TENM2: variants seen among roughly 807,000 people sequenced by gnomAD.
TENM2 encodes the protein teneurin-2.
TENM2 carries 52 observed loss-of-function variants against 245.2 expected under a neutral mutation model. The ratio of observed to expected loss-of-function variants is 0.21; its 90% confidence interval spans 0.17 to 0.27. The LOEUF (loss-of-function observed/expected upper bound fraction) is 0.27. Ranked by LOEUF, TENM2 falls within the 10% of genes least tolerant of loss-of-function variation. TENM2 has a pLI of 1.00. For synonymous variants in TENM2, 1,363 were observed against 1,438.9 expected (o/e 0.95, Z 1.19); for missense variants, 3,046 against 3,666.8 (o/e 0.83, Z 4.37).
the TENM2 span, among the ~76,000 whole-genome samples, chr5:167,083,642 T>A: frequency 6.6e-6 from 1 of 152,112 alleles, no homozygotes; most frequent in African/African-American, 2.4e-5. Flanking sequence ...AATTGAGATA[T>A]TAAATTGATT....
chr5:167,216,428 G>A, the TENM2 span, among the ~76,000 whole-genome samples: 2 of 152,184 alleles, frequency 1.3e-5, no homozygotes, highest in Admixed American at 6.5e-5. Flanking sequence ...CACATTGTCT[G>A]TCTGCTATTT....
At chr5:167,140,108 T>A in the TENM2 span, among the ~76,000 whole-genome samples, 4 of 152,178 alleles carry the variant, frequency 2.6e-5, no homozygotes, top group African/African-American at 9.6e-5. Flanking sequence ...AATGCTGAGT[T>A]TGGCATTTGA....
intron 4 of TENM2, among the ~76,000 whole-genome samples, chr5:167,961,220 T>C (rs1036453477): frequency 1.3e-5 from 2 of 152,350 alleles, no homozygotes; most frequent in African/African-American, 4.8e-5. Flanking sequence ...GGTTAAAATA[T>C]GTAAAGTCAA....
intron 4 of TENM2, among the ~76,000 whole-genome samples, chr5:167,979,692 C>A (rs1169297010): frequency 1.3e-5 from 2 of 152,088 alleles, no homozygotes; most frequent in Admixed American, 6.6e-5. Flanking sequence ...GCTGATATCC[C>A]TCAAGAATGA....
intron 2 of TENM2, among the ~76,000 whole-genome samples, chr5:167,378,380 T>TCTTC (rs1554141728): frequency 1.9e-4 from 12 of 64,588 alleles, no homozygotes; most frequent in African/African-American, 9.6e-4. Flanking sequence ...TTCTTCTTCT[T>TCTTC]TTTTTTTTTT....
At chr5:167,056,686 C>T in the TENM2 span, among the ~76,000 whole-genome samples, 1 of 134,130 alleles carries the variant, frequency 7.5e-6, no homozygotes, top group Non-Finnish European at 1.6e-5. Context: ...ATATTACTTC[C>T]CTCATATTTT....
intron 14 of TENM2, among the ~76,000 whole-genome samples, chr5:168,194,260 C>A (rs1217824675): frequency 1.3e-5 from 2 of 152,164 alleles, no homozygotes; most frequent in Non-Finnish European, 2.9e-5. Flanking sequence ...TGTCCCATTT[C>A]TCTGTGAAGT....
intron 2 of TENM2, among the ~76,000 whole-genome samples, chr5:167,759,384 T>A (rs1353805229): frequency 1.3e-5 from 2 of 151,798 alleles, no homozygotes; most frequent in Admixed American, 6.6e-5. Flanking sequence ...GTGTTGGCTG[T>A]TTGTTAGGAC....
intron 5 of TENM2, among the ~76,000 whole-genome samples, chr5:168,039,822 C>T (rs1056067646): frequency 6.6e-6 from 1 of 152,020 alleles, no homozygotes; most frequent in Non-Finnish European, 1.5e-5. Flanking sequence ...CACCTCGGCA[C>T]ACCAGATGCC....
At chr5:167,719,400 G>T (rs1479514390) in intron 2 of TENM2, among the ~76,000 whole-genome samples, 1 of 152,206 alleles carries the variant, frequency 6.6e-6, no homozygotes, top group African/African-American at 2.4e-5. Flanking sequence ...ACAACACTAG[G>T]ATGTGAGAAA....
At chr5:167,156,544 T>C in the TENM2 span, among the ~76,000 whole-genome samples, 3 of 152,178 alleles carry the variant, frequency 2.0e-5, no homozygotes, top group Non-Finnish European at 2.9e-5. Context: ...CTGCTTCATC[T>C]CCAAGTCGGA....
chr5:168,214,909 T>C, intron 20 of TENM2, 131 bp from the exon 23 acceptor site: 1 of 754,220 alleles, frequency 1.3e-6, no homozygotes, highest in Non-Finnish European at 2.3e-6. Flanking sequence ...TGTTAGATTC[T>C]TTCCAGTTCA....
chr5:167,726,756 GC>G (rs1344462353), intron 2 of TENM2, among the ~76,000 whole-genome samples: 1 of 152,062 alleles, frequency 6.6e-6, no homozygotes, highest in Non-Finnish European at 1.5e-5. Flanking sequence ...ACTATGCTGG[GC>G]CCCCTTTTCT....
intron 1 of TENM2, among the ~76,000 whole-genome samples, chr5:167,296,963 G>C (rs1314837005): frequency 6.6e-6 from 1 of 152,208 alleles, no homozygotes; most frequent in African/African-American, 2.4e-5. Context: ...CTCCTGGGCA[G>C]TTCTGAAAAG....
chr5:167,382,935 T>TATAA (rs35953193), intron 2 of TENM2, among the ~76,000 whole-genome samples: 59,283 of 151,920 alleles, frequency 0.39, 13,526 homozygotes, highest in African/African-American at 0.65. Context: ...TGCACACAAA[T>TATAA]ATATAAAACT....
intron 12 of TENM2, among the ~76,000 whole-genome samples, chr5:168,141,619 A>G (rs1256204514): frequency 1.3e-5 from 2 of 152,248 alleles, no homozygotes; most frequent in African/African-American, 2.4e-5. Flanking sequence ...ATCCAGAATC[A>G]AGAATGATGT....
intron 2 of TENM2, among the ~76,000 whole-genome samples, chr5:167,765,877 T>C (rs1762986035): frequency 6.6e-6 from 1 of 152,136 alleles, no homozygotes; most frequent in Non-Finnish European, 1.5e-5. Context: ...AGGTCTACAT[T>C]TTTCTGTAAA....
At chr5:167,378,791 C>T (rs1760921298) in intron 2 of TENM2, among the ~76,000 whole-genome samples, 1 of 150,596 alleles carries the variant, frequency 6.6e-6, no homozygotes, top group Non-Finnish European at 1.5e-5. Context: ...CAAAGCAGCA[C>T]AAACTAAAAA....
At chr5:167,815,758 G>T (rs181950973) in intron 2 of TENM2, among the ~76,000 whole-genome samples, 1 of 151,218 alleles carries the variant, frequency 6.6e-6, no homozygotes, top group East Asian at 2.1e-4. Context: ...GAGTCAGGGG[G>T]ATGGTTCATG....
Sources: gnomAD v4.1 joint callset for allele counts (sites outside exome capture counted in the v4.1 genomes callset) on GRCh38, gnomAD v4.1.1 for gene constraint, MANE v1.5 for transcripts, NCBI Gene and HGNC (gene_info 2026-07-23, HGNC 2026-07-21) for gene names.